Variants in LRBA observed in about 807,000 individuals in gnomAD.
LRBA encodes LPS responsive beige-like anchor protein.
LRBA carries 176 observed loss-of-function variants against 330.0 expected under a neutral mutation model. The ratio of observed to expected loss-of-function variants is 0.53; its 90% CI spans 0.47 to 0.60. The LOEUF is 0.60. LRBA is among the 20% of genes least tolerant of loss of function. LRBA has a pLI of 0.00. For missense variants in LRBA, 3,259 were observed against 3,444.8 expected (o/e 0.95, Z 1.35); for synonymous variants, 1,230 against 1,193.0 (o/e 1.03, Z -0.64).
At chr4:150,508,471 T>C (rs1280230073) in intron 40 of LRBA, among the ~76,000 whole-genome samples, 1 of 151,970 alleles carries the variant, frequency 6.6e-6, no homozygotes, top group East Asian at 1.9e-4. Flanking sequence ...GTATTTTTAG[T>C]AGAGGCGGGG....
At chr4:150,440,976 ATAAAACTTG>A (rs1235946320) in intron 44 of LRBA, among the ~76,000 whole-genome samples, 1 of 152,152 alleles carries the variant, frequency 6.6e-6, no homozygotes, top group African/African-American at 2.4e-5. Flanking sequence ...GATATGCAAA[ATAAAACTTG>A]TAAAATTGGT....
chr4:150,315,091 C>G (rs780030944), intron 51 of LRBA: 7 of 193,396 alleles, frequency 3.6e-5, no homozygotes, highest in Non-Finnish European at 6.4e-5. Flanking sequence ...GATTGATCTC[C>G]TTTAATGATG....
chr4:150,716,860 A>G (rs1728269857), intron 36 of LRBA, among the ~76,000 whole-genome samples: 1 of 152,236 alleles, frequency 6.6e-6, no homozygotes, highest in Admixed American at 6.5e-5. Context: ...CTATGGGGAC[A>G]GACTGTACTG....
chr4:150,683,426 G>T (rs1783225654), intron 37 of LRBA, 125 bp downstream of exon 37: 3 of 755,142 alleles, frequency 4.0e-6, no homozygotes, highest in Non-Finnish European at 6.7e-6. Flanking sequence ...AATTCATAGA[G>T]ATGATGAAAG....
At chr4:150,858,229 T>C (rs1751453311) in intron 22 of LRBA, among the ~76,000 whole-genome samples, 1 of 152,172 alleles carries the variant, frequency 6.6e-6, no homozygotes, top group African/African-American at 2.4e-5. Flanking sequence ...CAAAGGTACA[T>C]GCCTGCAGTC....
intron 47 of LRBA, among the ~76,000 whole-genome samples, chr4:150,411,583 T>C (rs952868862): frequency 6.6e-6 from 1 of 152,162 alleles, no homozygotes; most frequent in Non-Finnish European, 1.5e-5. Flanking sequence ...TGCAACACTA[T>C]ATCCCTGTTC....
At chr4:150,383,416 A>C (rs1039184846) in intron 47 of LRBA, among the ~76,000 whole-genome samples, 2 of 151,900 alleles carry the variant, frequency 1.3e-5, no homozygotes, top group African/African-American at 2.4e-5. Flanking sequence ...TGTCTGGCTA[A>C]TTTTTTATTT....
intron 40 of LRBA, among the ~76,000 whole-genome samples, chr4:150,563,017 G>T (rs1768575913): frequency 6.6e-6 from 1 of 152,072 alleles, no homozygotes; most frequent in Admixed American, 6.6e-5. Flanking sequence ...CCCAGACTGG[G>T]TTACTCAGGG....
intron 2 of LRBA, among the ~76,000 whole-genome samples, chr4:150,949,816 TCTTTA>T (rs1160231174): frequency 6.6e-6 from 1 of 152,010 alleles, no homozygotes; most frequent in African/African-American, 2.4e-5. Context: ...AATCCCAGCT[TCTTTA>T]CTTATCCCTC....
At chr4:150,696,915 G>C (rs1784666269) in intron 36 of LRBA, among the ~76,000 whole-genome samples, 2 of 151,788 alleles carry the variant, frequency 1.3e-5, no homozygotes, top group South Asian at 4.2e-4. Context: ...TTGGGAAGCT[G>C]TGGTGGGAGG....
intron 22 of LRBA, among the ~76,000 whole-genome samples, chr4:150,861,672 AT>A (rs1751958102): frequency 6.6e-6 from 1 of 152,224 alleles, no homozygotes; most frequent in African/African-American, 2.4e-5. Context: ...CACTAAATTT[AT>A]TTTTAAAAAC....
rs1580849964 is a variant in LRBA, at chr4:150,270,552, G to A, written c.8469-4740C>T. The stretch of plus-strand genomic sequence containing the variant: ...TGGGAGAGAGAGTCATTAACATGCA[G>A]AGCTTCTGTTTATGATGAAAAGGGT... On this transcript the variant is annotated intron_variant, in intron 56 of 56. Transcript: ENST00000651943. Among the ~76,000 whole-genome samples the A allele has an allele frequency of 2.0e-5, 3 of 152,286 alleles. No homozygotes were observed. In the East Asian group the frequency reaches 5.8e-4, roughly 29 times the overall value.
At chr4:150,709,235 A>G (rs1785943002) in intron 36 of LRBA, among the ~76,000 whole-genome samples, 1 of 151,940 alleles carries the variant, frequency 6.6e-6, no homozygotes, top group African/African-American at 2.4e-5. Context: ...CTTCTATCAC[A>G]TTGTAACACA....
intron 16 of LRBA, among the ~76,000 whole-genome samples, chr4:150,895,266 C>T (rs1205481615): frequency 6.6e-6 from 1 of 151,870 alleles, no homozygotes; most frequent in Non-Finnish European, 1.5e-5. Flanking sequence ...GATATTTCAA[C>T]CTATTTAATT....
At chr4:150,386,294 A>G (rs1743046614) in intron 47 of LRBA, among the ~76,000 whole-genome samples, 1 of 152,164 alleles carries the variant, frequency 6.6e-6, no homozygotes, top group African/African-American at 2.4e-5. Flanking sequence ...ATTATTTCAT[A>G]CCTCATAGTT....
At chr4:150,651,492 CCA>C (rs1779704758) in intron 37 of LRBA, among the ~76,000 whole-genome samples, 1 of 152,034 alleles carries the variant, frequency 6.6e-6, no homozygotes, top group Admixed American at 6.6e-5. Flanking sequence ...TTAAGCGCTA[CCA>C]CAGAGTTCAT....
At chr4:150,605,559 AT>A (rs2126545017) in intron 37 of LRBA, among the ~76,000 whole-genome samples, 1 of 152,262 alleles carries the variant, frequency 6.6e-6, no homozygotes, top group East Asian at 1.9e-4. Context: ...ATATTTTTAG[AT>A]TAAAAATTCA....
intron 37 of LRBA, among the ~76,000 whole-genome samples, chr4:150,608,269 T>C (rs1774873006): frequency 6.6e-6 from 1 of 152,166 alleles, no homozygotes; most frequent in Admixed American, 6.5e-5. Context: ...AGATTTAGCA[T>C]TCATTTAACA....
intron 37 of LRBA, among the ~76,000 whole-genome samples, chr4:150,601,906 TGGTC>T (rs995978374): frequency 4.6e-5 from 7 of 151,944 alleles, no homozygotes; most frequent in African/African-American, 1.4e-4. Context: ...TTAGCCAGGA[TGGTC>T]TTGATCTCCT....
Sources: gnomAD v4.1 joint callset for allele counts (sites outside exome capture counted in the v4.1 genomes callset) on GRCh38, gnomAD v4.1.1 for gene constraint, MANE v1.5 for transcripts, NCBI Gene and HGNC (gene_info 2026-07-23, HGNC 2026-07-21) for gene names.